The following COL9A1 variants were observed in gnomAD, a reference collection of about 807,000 sequenced individuals.
The protein encoded by COL9A1 is collagen type IX alpha 1 chain.
Under a neutral mutation model 142.6 loss-of-function variants are expected in COL9A1, and 104 were observed. The observed-to-expected ratio is 0.73, with a 90% confidence interval of 0.62 to 0.86. COL9A1 has a LOEUF of 0.86. COL9A1 is among the 40% of genes least tolerant of loss of function. The pLI, the probability that COL9A1 is intolerant of heterozygous loss-of-function variation, is 0.00. For synonymous variants in COL9A1, 466 were observed against 396.0 expected (o/e 1.18, Z -2.10); for missense variants, 1,210 against 1,176.6 (o/e 1.03, Z -0.42).
chr6:70,274,840 T>G, intron 10 of COL9A1, 68 bp from the exon 11 acceptor site: 1 of 1,237,472 alleles, frequency 8.1e-7, no homozygotes. Flanking sequence ...AGTAGAAAAC[T>G]TTCATTTTAT....
At chr6:70,242,575 C>A (rs1210542629) in intron 29 of COL9A1, 87 bp downstream of exon 29, 2 of 1,140,910 alleles carry the variant, frequency 1.8e-6, no homozygotes, top group East Asian at 2.4e-5. Context: ...ACAGGTAATT[C>A]AATTGTAAAT....
In COL9A1 at chr6:70,300,192, C is replaced by T. The variant is rs1188281559; in HGVS notation, c.167-17G>A. On this transcript the variant is annotated splice_polypyrimidine_tract_variant and intron_variant, in intron 3 of 37. Coordinates refer to ENST00000357250, the MANE Select transcript of COL9A1 (RefSeq NM_001851.6). ...GATCAAACCCTATAGAATGGGAATA[C>T]AAAATGAAAAGTCTAAAATGAGATT... 2 of 1,613,058 alleles carry T rather than the reference C, an allele frequency of 1.2e-6. No homozygotes were observed. Among genetic ancestry groups the T allele is most frequent in the African/African-American group, 1.3e-5 (1 of 74,746 alleles).
intron 37 of COL9A1, among the ~76,000 whole-genome samples, chr6:70,224,448 C>G (rs1325909189): frequency 6.6e-6 from 1 of 152,062 alleles, no homozygotes; most frequent in African/African-American, 2.4e-5. Flanking sequence ...AGTGAGAATC[C>G]CTATAAACCA....
chr6:70,298,178 A>G (rs1773915982), intron 4 of COL9A1, among the ~76,000 whole-genome samples: 1 of 152,218 alleles, frequency 6.6e-6, no homozygotes, highest in African/African-American at 2.4e-5. Flanking sequence ...TTTCATATAC[A>G]TGCATTTTCT....
At chr6:70,274,651 C>T in intron 11 of COL9A1, 68 bp downstream of exon 11, 2 of 1,309,132 alleles carry the variant, frequency 1.5e-6, no homozygotes, top group Non-Finnish European at 1.1e-6. Context: ...AGTTGGCTTG[C>T]AAACACTGCA....
chr6:70,231,421 T>C (rs1056741693), intron 36 of COL9A1, among the ~76,000 whole-genome samples: 2 of 152,160 alleles, frequency 1.3e-5, no homozygotes, highest in Admixed American at 1.3e-4. Flanking sequence ...AAAGAAAATG[T>C]TCAGTTCTCT....
chr6:70,249,517 CAG>C (rs1770801531), intron 28 of COL9A1, among the ~76,000 whole-genome samples: 1 of 151,894 alleles, frequency 6.6e-6, no homozygotes. Context: ...TGACCTGAGC[CAG>C]GGTGATAGTA....
intron 17 of COL9A1, 99 bp from the exon 18 acceptor site, chr6:70,266,869 T>C: frequency 1.0e-6 from 1 of 962,714 alleles, no homozygotes; most frequent in South Asian, 1.3e-5. Context: ...TGCCAATGTA[T>C]TACTAAGAAA....
At chr6:70,275,664 TA>T (rs1772711893) in intron 10 of COL9A1, among the ~76,000 whole-genome samples, 1 of 152,152 alleles carries the variant, frequency 6.6e-6, no homozygotes, top group African/African-American at 2.4e-5. Context: ...TTTCTATTTT[TA>T]ATTTTTTTCT....
intron 20 of COL9A1, among the ~76,000 whole-genome samples, chr6:70,257,973 TAA>T (rs1771427885): frequency 6.6e-6 from 1 of 152,182 alleles, no homozygotes; most frequent in Admixed American, 6.5e-5. Flanking sequence ...TCAATTTATA[TAA>T]AGTAACCGGC....
chr6:70,233,030 T>C (rs1396824021), intron 35 of COL9A1, among the ~76,000 whole-genome samples: 1 of 151,830 alleles, frequency 6.6e-6, no homozygotes, highest in Non-Finnish European at 1.5e-5. Flanking sequence ...GGGAGGGAGG[T>C]AGCAGGGGGT....
At chr6:70,241,337 C>A in intron 31 of COL9A1, 82 bp downstream of exon 31, 1 of 1,128,892 alleles carries the variant, frequency 8.9e-7, no homozygotes, top group Non-Finnish European at 1.4e-6. Flanking sequence ...TATTAACCCC[C>A]ATAAACCAGC....
rs762250392 is a variant in COL9A1 at position 70,274,777 on chromosome 6, T to C, written c.976-5A>G. ...TCCATCAGGTCCTGTTAATCCCTAA[T>C]AGAGCAAGACAATGATGTTAGAACT... On this transcript the variant is annotated splice_region_variant and splice_polypyrimidine_tract_variant and intron_variant, in intron 10 of 37. Coordinates refer to ENST00000357250, the MANE Select transcript of COL9A1 (RefSeq NM_001851.6). The C allele has an allele frequency of 5.0e-6, 8 of 1,610,942 alleles. No individual in the cohort carries two copies. The Middle Eastern group carries it at 4.9e-4, about 99-fold the overall frequency.
chr6:70,281,347 G>T (rs1039375294), intron 8 of COL9A1, 43 bp downstream of exon 8: 4 of 1,586,956 alleles, frequency 2.5e-6, no homozygotes, highest in Middle Eastern at 3.4e-4. Flanking sequence ...AATAGGAAAG[G>T]GCAGGACTGG....
chr6:70,274,857 A>G, intron 10 of COL9A1, 85 bp from the exon 11 acceptor site: 1 of 1,079,142 alleles, frequency 9.3e-7, no homozygotes, highest in East Asian at 2.4e-5. Context: ...TTATTTATTA[A>G]TTGTCTACAG....
At chr6:70,258,810 G>C (rs983285974) in intron 20 of COL9A1, 3 of 151,958 alleles carry the variant, frequency 2.0e-5, no homozygotes, top group Non-Finnish European at 2.9e-5. Flanking sequence ...GAGAAGTTTT[G>C]AAAAATACCA....
At position 70,240,828 on chromosome 6, in the gene COL9A1, A is replaced by G. The variant is rs537199521; in HGVS notation, c.2035-95T>C. ...TTGATAAGCATTCATAAGTGCCCAC[A>G]GTGTTCCCAGAATCATGCAGAAATA... On this transcript the variant is annotated intron_variant, in intron 31 of 37. Transcript: ENST00000357250. The G allele has an allele frequency of 7.5e-5, 71 of 943,540 alleles. 1 individual carries two copies. The South Asian group carries it at 8.2e-4, about 11-fold the overall frequency. 58.4% of individuals were successfully genotyped at this position (943,540 alleles called of 1,614,324 possible).
intron 28 of COL9A1, among the ~76,000 whole-genome samples, chr6:70,248,536 A>G (rs1386466322): frequency 6.6e-6 from 1 of 152,240 alleles, no homozygotes; most frequent in Non-Finnish European, 1.5e-5. Context: ...AGTTATCTAC[A>G]AAACTGAATT....
chr6:70,220,033 C>T (rs1768769591), intron 37 of COL9A1, among the ~76,000 whole-genome samples: 1 of 152,092 alleles, frequency 6.6e-6, no homozygotes, highest in Non-Finnish European at 1.5e-5. Flanking sequence ...AAGGAAGAGT[C>T]GATGAAGCCA....
Sources: allele counts gnomAD v4.1 joint callset (sites outside exome capture counted in the v4.1 genomes callset), GRCh38; gene constraint gnomAD v4.1.1; transcripts MANE v1.5; gene names NCBI Gene and HGNC (gene_info 2026-07-23, HGNC 2026-07-21).